The following KIF5A variants were observed in gnomAD, a reference collection of about 807,000 sequenced individuals.
KIF5A encodes kinesin family member 5A.
KIF5A carries 35 observed loss-of-function variants against 141.3 expected under a neutral mutation model. The ratio of observed to expected loss-of-function variants is 0.25; its 90% CI spans 0.19 to 0.33. The LOEUF is 0.33. Ranked by LOEUF, KIF5A falls within the 10% of genes least tolerant of loss-of-function variation. The probability of loss-of-function intolerance (pLI) is 1.00; values close to 1 mark genes in which losing one functional copy is unlikely to be tolerated. For missense variants in KIF5A, 861 were observed against 1,314.3 expected (o/e 0.66, Z 5.33); for synonymous variants, 448 against 500.2 (o/e 0.90, Z 1.39).
In KIF5A at chr12:57,550,173, C is replaced by T; in HGVS notation, c.-99C>T. On this transcript the variant is annotated 5_prime_UTR_variant, in exon 1 of 29. Transcript: ENST00000455537. The surrounding 1 kb of genome is among the most constrained non-coding windows in gnomAD (Gnocchi z 4.6). ...CAACTCTGTCCCCAGAGACTGAGCA[C>T]CTGTCCTCCGCCTCGGCCTCTGCTG... 1.3e-6 allele frequency: 2 copies of T among 1,545,790 alleles called. No homozygotes were observed. The highest frequency in any genetic ancestry group is 2.3e-4 in the Middle Eastern group (1 of 4,376).
At chr12:57,564,002 G>A in intron 3 of KIF5A, 106 bp from the exon 4 acceptor site, 1 of 826,686 alleles carries the variant, frequency 1.2e-6, no homozygotes, top group East Asian at 2.5e-5. Context: ...TCCTAACTTA[G>A]GATGTTCTTC....
chr12:57,572,855 C>A lies in KIF5A; in HGVS notation c.1716+129C>A. The A allele has an allele frequency of 8.9e-7, 1 of 1,122,282 alleles. No homozygotes were observed. Among genetic ancestry groups the A allele is most frequent in the South Asian group, 1.2e-5 (1 of 80,294 alleles). 69.5% of individuals were successfully genotyped at this position (1,122,282 alleles called of 1,614,324 possible). ...CCAGGAAACATGCCTTTGAACTAGA[C>A]CCAGGAAGACAGGTAGAGGCTTGTA... On this transcript the variant is annotated intron_variant, in intron 15 of 28. Transcript: ENST00000455537. This position sits in a 1 kb window ranked among gnomAD's most constrained non-coding sequence, Gnocchi z 4.2.
chr12:57,561,011 A>AT (rs748424418), intron 1 of KIF5A, among the ~76,000 whole-genome samples: 42 of 152,014 alleles, frequency 2.8e-4, no homozygotes, highest in Non-Finnish European at 5.6e-4. Context: ...AGAAAAGAAA[A>AT]TAGAGAGATT....
Sources: gnomAD v4.1 joint callset for allele counts (sites outside exome capture counted in the v4.1 genomes callset) on GRCh38, gnomAD v4.1.1 for gene constraint, Gnocchi (gnomAD v3.1) non-coding constraint, MANE v1.5 for transcripts, NCBI Gene and HGNC (gene_info 2026-07-23, HGNC 2026-07-21) for gene names.